Variants in TASP1 observed in about 807,000 individuals in gnomAD.
TASP1 encodes the protein threonine aspartase 1.
A neutral mutation model predicts 56.6 loss-of-function variants in TASP1; 16 were observed. That is an observed-to-expected ratio of 0.28 (90% CI 0.19 to 0.43). The LOEUF is 0.43. Among genes scored for constraint, TASP1 ranks in the 20% least tolerant of loss-of-function variants. The pLI is 1.00. For synonymous variants in TASP1, 179 were observed against 184.2 expected, an observed-to-expected ratio of 0.97 and a Z score of 0.23; for missense variants, 393 against 511.6, an observed-to-expected ratio of 0.77 and a Z score of 2.24.
chr20:13,574,633 A>T (rs1568600721), intron 6 of TASP1, among the ~76,000 whole-genome samples: 3 of 151,984 alleles, frequency 2.0e-5, no homozygotes, highest in Admixed American at 1.3e-4. Context: ...CATGGAAGAC[A>T]TTTTTTAAAG....
chr20:13,471,710 G>C (rs989407281), intron 11 of TASP1, among the ~76,000 whole-genome samples: 3 of 152,126 alleles, frequency 2.0e-5, no homozygotes, highest in African/African-American at 7.2e-5. Context: ...TCCGTTCCAA[G>C]ATGGCCAAAC....
intron 1 of TASP1, among the ~76,000 whole-genome samples, chr20:13,634,241 T>C (rs2049204188): frequency 1.3e-5 from 2 of 152,140 alleles, no homozygotes; most frequent in Admixed American, 6.6e-5. Flanking sequence ...TACTATGTCA[T>C]TAAAGAATAT....
chr20:13,359,615 G>A, the TASP1 span, among the ~76,000 whole-genome samples: 3 of 150,538 alleles, frequency 2.0e-5, no homozygotes, highest in Non-Finnish European at 3.0e-5. Flanking sequence ...GGGTATTGAC[G>A]GCCAGGCTTC....
At chr20:13,138,658 C>T in the TASP1 span, among the ~76,000 whole-genome samples, 25 of 152,246 alleles carry the variant, frequency 1.6e-4, no homozygotes, top group Admixed American at 1.5e-3. Flanking sequence ...TTGGAGGTTA[C>T]TTATAGAATT....
At chr20:13,123,830 A>G in the TASP1 span, among the ~76,000 whole-genome samples, 2 of 152,254 alleles carry the variant, frequency 1.3e-5, no homozygotes, top group East Asian at 3.9e-4. Flanking sequence ...GTAAGCCTCC[A>G]TCATCCAATT....
the TASP1 span, among the ~76,000 whole-genome samples, chr20:13,352,985 C>T: frequency 6.6e-6 from 1 of 151,892 alleles, no homozygotes; most frequent in African/African-American, 2.4e-5. Context: ...ATCTGTAATC[C>T]CAGTGCTTTG....
intron 11 of TASP1, among the ~76,000 whole-genome samples, chr20:13,450,976 G>A (rs2043596947): frequency 6.6e-6 from 1 of 152,024 alleles, no homozygotes; most frequent in South Asian, 2.1e-4. Flanking sequence ...AAATAATAAA[G>A]AGTTTCAGTA....
At position 13,596,442 on chromosome 20, in the gene TASP1, A is replaced by G. The variant is rs560660686; in HGVS notation, c.283-9072T>C. Among the ~76,000 whole-genome samples the G allele has an allele frequency of 6.6e-4, 101 of 152,302 alleles. 1 individual carries two copies. The highest frequency in any genetic ancestry group is 3.4e-3 in the Middle Eastern group (1 of 294). On this transcript the variant is annotated intron_variant, in intron 4 of 13. Coordinates refer to ENST00000337743, the MANE Select transcript of TASP1 (RefSeq NM_017714.3). ...GCTCCTGAATGACTACTGGGTAAAT[A>G]ACAAAATGAAGGCAGAAATAAAGAT...
At chr20:13,382,512 G>C in the TASP1 span, among the ~76,000 whole-genome samples, 1 of 152,120 alleles carries the variant, frequency 6.6e-6, no homozygotes, top group Non-Finnish European at 1.5e-5. Flanking sequence ...TGGGTATCAT[G>C]GTGTACACCT....
intron 11 of TASP1, among the ~76,000 whole-genome samples, chr20:13,446,583 T>G (rs1024413188): frequency 1.3e-5 from 2 of 152,068 alleles, no homozygotes; most frequent in African/African-American, 4.8e-5. Context: ...CCATCAAGAG[T>G]TCCTTGTAGG....
At chr20:13,323,889 A>G in the TASP1 span, among the ~76,000 whole-genome samples, 1 of 152,324 alleles carries the variant, frequency 6.6e-6, no homozygotes, top group East Asian at 1.9e-4. Flanking sequence ...GTCTCCTCTG[A>G]CCAAAAAAAT....
chr20:13,537,092 C>A (rs2045446154), intron 8 of TASP1, among the ~76,000 whole-genome samples: 2 of 152,102 alleles, frequency 1.3e-5, no homozygotes, highest in Non-Finnish European at 2.9e-5. Context: ...AACGTATACA[C>A]AATGCTATGC....
chr20:13,154,718 A>G, the TASP1 span, among the ~76,000 whole-genome samples: 5 of 152,170 alleles, frequency 3.3e-5, no homozygotes, highest in Admixed American at 3.3e-4. Flanking sequence ...CTTACTGTGA[A>G]CCTGTTTGGG....
chr20:13,607,346 A>G (rs2048194566), intron 4 of TASP1, among the ~76,000 whole-genome samples: 1 of 152,118 alleles, frequency 6.6e-6, no homozygotes, highest in Admixed American at 6.5e-5. Flanking sequence ...GCAAAGTATT[A>G]CTCTTTCACT....
At chr20:13,382,374 C>T in the TASP1 span, among the ~76,000 whole-genome samples, 21,255 of 152,134 alleles carry the variant, frequency 0.14, 2,229 homozygotes, top group African/African-American at 0.29. Flanking sequence ...TGGCCAGGTG[C>T]GGTGGCTCAC....
chr20:13,615,390 A>C (rs1176411362), intron 4 of TASP1, among the ~76,000 whole-genome samples: 1 of 152,170 alleles, frequency 6.6e-6, no homozygotes, highest in Non-Finnish European at 1.5e-5. Flanking sequence ...ATTCAGCTTT[A>C]AGCTGATTTC....
At chr20:13,554,018 A>T (rs1314052003) in intron 8 of TASP1, among the ~76,000 whole-genome samples, 2 of 152,108 alleles carry the variant, frequency 1.3e-5, no homozygotes, top group South Asian at 2.1e-4. Flanking sequence ...TTCCAGAAAA[A>T]TTTTGAATCC....
chr20:13,509,276 C>T (rs1330400930), intron 10 of TASP1, among the ~76,000 whole-genome samples: 2 of 151,930 alleles, frequency 1.3e-5, no homozygotes, highest in African/African-American at 2.4e-5. Context: ...ACAGCATGTT[C>T]TCACTTATAT....
intron 2 of TASP1, among the ~76,000 whole-genome samples, chr20:13,628,069 C>T (rs549827362): frequency 6.6e-6 from 1 of 152,224 alleles, no homozygotes; most frequent in Non-Finnish European, 1.5e-5. Context: ...GGAACACAGA[C>T]CCCATTTGTT....
Sources: gnomAD v4.1 joint callset for allele counts (sites outside exome capture counted in the v4.1 genomes callset) on GRCh38, gnomAD v4.1.1 for gene constraint, MANE v1.5 for transcripts, NCBI Gene and HGNC (gene_info 2026-07-23, HGNC 2026-07-21) for gene names.